Variants in CNTRL observed in about 807,000 individuals in gnomAD.
CNTRL encodes 110 kDa centrosomal protein.
CNTRL carries 233 observed loss-of-function variants against 303.7 expected under a neutral mutation model. That is an observed-to-expected ratio of 0.77 (90% CI 0.69 to 0.86). The LOEUF (loss-of-function observed/expected upper bound fraction) is 0.86, where lower values mean the gene tolerates loss of function less well. Among genes scored for constraint, CNTRL ranks in the 40% least tolerant of loss-of-function variants. The pLI is 0.00. For missense variants in CNTRL, 2,524 were observed against 2,650.6 expected (o/e 0.95, Z 1.05); for synonymous variants, 900 against 922.2 (o/e 0.98, Z 0.44).
At chr9:121,134,968 C>G (rs2051101400) in intron 14 of CNTRL, among the ~76,000 whole-genome samples, 2 of 152,114 alleles carry the variant, frequency 1.3e-5, no homozygotes, top group Admixed American at 1.3e-4. Flanking sequence ...TATGTAGTAT[C>G]TATATTTTAA....
chr9:121,101,684 A>G (rs1273293501), intron 7 of CNTRL, among the ~76,000 whole-genome samples: 2 of 152,206 alleles, frequency 1.3e-5, no homozygotes, highest in Admixed American at 1.3e-4. Flanking sequence ...AGAGAGAAGA[A>G]TCAAATAGAC....
In CNTRL at chr9:121,113,575, C is replaced by T. The variant is rs1564219988; in HGVS notation, c.1196C>T (p.Ala399Val). ...TCCAGATACAAGAGAAATATGTTTG[C>T]CACAGAGAGTTATATTATTGACAGT... ...GKSRYKRNMF[A>V]TESYIIDSAQ... Residue 399 changes from alanine to valine, a missense_variant, in exon 10 of 44, where the codon GCC (alanine) becomes GTC (valine). Physicochemically the swap from Ala to Val is moderately conservative, Grantham distance 64 (BLOSUM62 0). Transcript: ENST00000373855. The T allele has an allele frequency of 6.2e-6, 10 of 1,607,898 alleles. No homozygotes were observed. Among genetic ancestry groups the T allele is most frequent in the African/African-American group, 1.3e-5 (1 of 74,546 alleles).
chr9:121,098,791 G>A (rs113448793), intron 7 of CNTRL, among the ~76,000 whole-genome samples: 2,353 of 151,296 alleles, frequency 0.016, 53 homozygotes, highest in African/African-American at 0.054. Flanking sequence ...ATATGGTGCT[G>A]CTGTCCATGC....
chr9:121,168,322 G>T lies in CNTRL; in HGVS notation c.6070+1G>T. On this transcript the variant is annotated splice_donor_variant, in intron 38 of 43. Transcript: ENST00000373855. LOFTEE classifies it high-confidence loss of function. Reference sequence around the variant, plus strand: ...CTGGAGAAGACACTCTCCCAAACTAGTATGTATTCTGGAACTTCTCACTGG... The same window carrying T: ...CTGGAGAAGACACTCTCCCAAACTATTATGTATTCTGGAACTTCTCACTGG... 1 of 1,613,212 alleles carries T rather than the reference G, an allele frequency of 6.2e-7. No individual in the cohort carries two copies. Among genetic ancestry groups the T allele is most frequent in the Non-Finnish European group, 8.5e-7 (1 of 1,179,208 alleles).
intron 8 of CNTRL, among the ~76,000 whole-genome samples, chr9:121,112,239 A>T (rs2049779601): frequency 6.6e-6 from 1 of 152,178 alleles, no homozygotes; most frequent in African/African-American, 2.4e-5. Flanking sequence ...CAGCAGATAA[A>T]CTTCAAAGGT....
In CNTRL at chr9:121,121,014, C is replaced by A. The variant is rs368017256; in HGVS notation, c.1650+2474C>A. 1.2e-3 allele frequency among the ~76,000 whole-genome samples: 176 copies of A among 152,272 alleles called. 1 individual carries two copies. Among genetic ancestry groups the A allele is most frequent in the African/African-American group, 2.8e-3 (116 of 41,564 alleles). ...GTGTTTGGCATCCCATTTTAGGCTA[C>A]AAAATGTGAGCCTTTAAGCAGAAGA... On this transcript the variant is annotated intron_variant, in intron 12 of 43. Coordinates refer to ENST00000373855, the MANE Select transcript of CNTRL (RefSeq NM_007018.6).
chr9:121,156,191 A>T (rs929076852), intron 27 of CNTRL, among the ~76,000 whole-genome samples: 6 of 151,892 alleles, frequency 4.0e-5, no homozygotes, highest in African/African-American at 1.5e-4. Context: ...TATTTTGGTT[A>T]TATATTAATA....
chr9:121,077,334 A>G (rs933398068), intron 1 of CNTRL, among the ~76,000 whole-genome samples: 1 of 151,594 alleles, frequency 6.6e-6, no homozygotes, highest in African/African-American at 2.4e-5. Context: ...TGTGATTGCA[A>G]ACAACATCCT....
chr9:121,076,900 G>A (rs529443650), intron 1 of CNTRL, among the ~76,000 whole-genome samples: 1 of 152,266 alleles, frequency 6.6e-6, no homozygotes, highest in Admixed American at 6.5e-5. Context: ...AAAGGGCTAA[G>A]GAGAGGGATA....
chr9:121,074,987 C>T lies in CNTRL; in HGVS notation c.-285C>T, dbSNP rs533256225. On this transcript the variant is annotated 5_prime_UTR_variant, in exon 1 of 44. Coordinates refer to ENST00000373855, the MANE Select transcript of CNTRL (RefSeq NM_007018.6). ...ACAACACAACAAAATGGCTGCCGCG[C>T]CGCTGGGCCCCTGAGGAAAGAGCCC... 105 of 455,714 alleles carry T rather than the reference C, an allele frequency of 2.3e-4. No individual in the cohort carries two copies. The highest frequency in any genetic ancestry group is 3.8e-4 in the Non-Finnish European group (86 of 226,600). The allele number at this position is 455,714 out of a possible 1,614,324, so 28.2% of individuals were successfully genotyped here. A position where few individuals can be genotyped will look rare whatever the true frequency, so the allele number is the denominator to read the frequency against.
intron 8 of CNTRL, 65 bp downstream of exon 8, chr9:121,108,060 G>T (rs2049564485): frequency 5.3e-6 from 6 of 1,130,736 alleles, no homozygotes; most frequent in South Asian, 1.8e-5. Flanking sequence ...TTGCCCTTGG[G>T]TCTAAAAATA....
At chr9:121,158,136 C>A (rs1350445553) in intron 30 of CNTRL, 27 bp downstream of exon 30, 4 of 1,610,766 alleles carry the variant, frequency 2.5e-6, no homozygotes, top group Admixed American at 1.7e-5. Context: ...CTTGAAAAAA[C>A]AACTGACACA....
intron 14 of CNTRL, 130 bp from the exon 15 acceptor site, chr9:121,135,676 G>GAA: frequency 1.3e-6 from 1 of 766,210 alleles, no homozygotes; most frequent in South Asian, 2.5e-5. Context: ...TATTGCTACT[G>GAA]AAAACTTTGT....
intron 2 of CNTRL, among the ~76,000 whole-genome samples, chr9:121,087,422 C>T (rs944172713): frequency 2.0e-5 from 3 of 152,086 alleles, no homozygotes; most frequent in Non-Finnish European, 4.4e-5. Flanking sequence ...CATGATGGCT[C>T]ACACCCATAT....
chr9:121,156,293 T>C (rs1304627560), intron 27 of CNTRL, among the ~76,000 whole-genome samples: 1 of 152,140 alleles, frequency 6.6e-6, no homozygotes, highest in Non-Finnish European at 1.5e-5. Context: ...TGGTAAGTTC[T>C]TTCACCTTCA....
At position 121,112,513 on chromosome 9, in the gene CNTRL, G is replaced by T; in HGVS notation, c.1057G>T (p.Glu353Ter). ...AGCATGTCAGAAGCAATATGAGCTGGAACAGGAATTGGCCTTTTATAAAAT... is the reference window on the plus strand; with the variant it reads ...AGCATGTCAGAAGCAATATGAGCTGTAACAGGAATTGGCCTTTTATAAAAT... The part of the protein sequence containing the change: ...TRACQKQYEL[E>*]QELAFYKIDA... Residue 353 changes from glutamate to a stop codon, truncating the protein, a stop_gained, in exon 9 of 44, where the codon GAA (glutamate) becomes TAA (stop). Coordinates refer to ENST00000373855, the MANE Select transcript of CNTRL (RefSeq NM_007018.6). LOFTEE classifies it high-confidence loss of function. 1 of 1,612,746 alleles carries T rather than the reference G, an allele frequency of 6.2e-7. No homozygotes were observed.
chr9:121,134,983 G>A lies in CNTRL; in HGVS notation c.2026-823G>A, dbSNP rs1473730883. Among the ~76,000 whole-genome samples, 10 of 152,282 alleles carry A rather than the reference G, an allele frequency of 6.6e-5. No homozygotes were observed. The South Asian group carries it at 1.0e-3, about 16-fold the overall frequency. On this transcript the variant is annotated intron_variant, in intron 14 of 43. Transcript: ENST00000373855. ...TATGTAGTATCTATATTTTAAACAA[G>A]CAGCCCAAATGATTGAATTGCCAAG...
intron 36 of CNTRL, 68 bp from the exon 37 acceptor site, chr9:121,167,421 G>T: frequency 1.5e-6 from 2 of 1,293,026 alleles, no homozygotes; most frequent in South Asian, 2.8e-5. Flanking sequence ...GTAGATACTG[G>T]ATTGGCACTG....
intron 18 of CNTRL, 123 bp downstream of exon 18, chr9:121,141,711 C>T: frequency 1.0e-6 from 1 of 961,718 alleles, no homozygotes; most frequent in Non-Finnish European, 1.6e-6. Context: ...TCACTTATAA[C>T]AAGTCAAGCT....
Sources: gnomAD v4.1 joint callset for allele counts (sites outside exome capture counted in the v4.1 genomes callset) on GRCh38, gnomAD v4.1.1 for gene constraint, MANE v1.5 for transcripts, NCBI Gene and HGNC (gene_info 2026-07-23, HGNC 2026-07-21) for gene names.